The following KIAA0825 variants were observed in gnomAD, a reference collection of about 807,000 sequenced individuals.
The protein encoded by KIAA0825 is KIAA0825.
In KIAA0825, 119 loss-of-function variants were observed where a neutral mutation model predicts 147.6. That is an observed-to-expected ratio of 0.81 (90% CI 0.69 to 0.94). KIAA0825 has a LOEUF of 0.94. Ranked by LOEUF, KIAA0825 falls within the 40% of genes least tolerant of loss-of-function variation. The pLI, the probability that KIAA0825 is intolerant of heterozygous loss-of-function variation, is 0.00. For missense variants in KIAA0825, 1,381 were observed against 1,472.7 expected (o/e 0.94, Z 1.02); for synonymous variants, 470 against 518.1 (o/e 0.91, Z 1.26).
At chr5:94,356,799 A>T (rs1368940569) in intron 20 of KIAA0825, among the ~76,000 whole-genome samples, 3 of 132,632 alleles carry the variant, frequency 2.3e-5, no homozygotes, top group African/African-American at 8.8e-5. Context: ...ATCTTGGCTC[A>T]CTGCAACCTC....
chr5:94,235,906 C>T (rs554183360), intron 20 of KIAA0825, among the ~76,000 whole-genome samples: 4 of 152,230 alleles, frequency 2.6e-5, no homozygotes, highest in African/African-American at 9.6e-5. Flanking sequence ...TATTTTAAAT[C>T]CACTGTTGAG....
At chr5:94,440,655 C>T (rs1328146475) in intron 13 of KIAA0825, among the ~76,000 whole-genome samples, 1 of 152,150 alleles carries the variant, frequency 6.6e-6, no homozygotes, top group South Asian at 2.1e-4. Flanking sequence ...ATTATCAGAA[C>T]TGCTGCTATT....
intron 14 of KIAA0825, among the ~76,000 whole-genome samples, chr5:94,421,121 G>A (rs1194019378): frequency 4.6e-5 from 7 of 152,086 alleles, no homozygotes; most frequent in Non-Finnish European, 7.4e-5. Flanking sequence ...TCTATAAAGG[G>A]CCAGACACTT....
chr5:94,326,659 T>A (rs1386457934), intron 20 of KIAA0825, among the ~76,000 whole-genome samples: 2 of 152,210 alleles, frequency 1.3e-5, no homozygotes, highest in African/African-American at 4.8e-5. Context: ...TCTGTAACTC[T>A]CAGACACAAT....
chr5:94,495,840 T>C (rs771202363), intron 5 of KIAA0825, among the ~76,000 whole-genome samples: 7 of 152,234 alleles, frequency 4.6e-5, no homozygotes, highest in African/African-American at 1.2e-4. Context: ...AATTCTTTAA[T>C]TGAAAAACAC....
intron 5 of KIAA0825, among the ~76,000 whole-genome samples, chr5:94,504,746 C>CTTTTTTTTTTTTTTTTTTTTTTTTT: frequency 8.1e-6 from 1 of 122,982 alleles, no homozygotes; most frequent in Non-Finnish European, 1.7e-5. Flanking sequence ...TTTTTCTTTT[C>CTTTTTTTTTTTTTTTTTTTTTTTTT]TTTTTTTTTT....
chr5:94,312,087 G>T (rs141451469), intron 20 of KIAA0825, among the ~76,000 whole-genome samples: 25 of 151,746 alleles, frequency 1.6e-4, no homozygotes, highest in African/African-American at 6.0e-4. Flanking sequence ...GGCATAAAAG[G>T]TATAAGGCTG....
chr5:94,489,586 A>G (rs1180859388), intron 5 of KIAA0825, among the ~76,000 whole-genome samples: 2 of 151,556 alleles, frequency 1.3e-5, no homozygotes, highest in African/African-American at 2.4e-5. Context: ...AAAAAAAAAA[A>G]ACAAACTCCA....
At chr5:94,403,217 T>A (rs2077831559) in intron 16 of KIAA0825, among the ~76,000 whole-genome samples, 1 of 152,158 alleles carries the variant, frequency 6.6e-6, no homozygotes, top group African/African-American at 2.4e-5. Flanking sequence ...TTAAATGGAA[T>A]ATCAGAGCAA....
intron 13 of KIAA0825, among the ~76,000 whole-genome samples, chr5:94,448,653 A>C (rs2150888197): frequency 6.6e-6 from 1 of 152,232 alleles, no homozygotes; most frequent in African/African-American, 2.4e-5. Context: ...TAGGCCTAAT[A>C]TATTTTTTGT....
chr5:94,369,727 C>G (rs62364584), intron 20 of KIAA0825, among the ~76,000 whole-genome samples: 2,357 of 152,118 alleles, frequency 0.015, 24 homozygotes, highest in Middle Eastern at 0.027. Flanking sequence ...TACTGAGTGC[C>G]AAGAGAAACC....
At chr5:94,424,742 A>G (rs1754625957) in intron 14 of KIAA0825, among the ~76,000 whole-genome samples, 1 of 152,074 alleles carries the variant, frequency 6.6e-6, no homozygotes, top group African/African-American at 2.4e-5. Context: ...TTGAAAATAT[A>G]AACATAATAA....
At chr5:94,196,015 C>T (rs936362174) in intron 20 of KIAA0825, among the ~76,000 whole-genome samples, 2 of 152,142 alleles carry the variant, frequency 1.3e-5, no homozygotes, top group African/African-American at 4.8e-5. Context: ...TGCTTCCAGG[C>T]TGTTGGAATC....
At chr5:94,194,650 C>T (rs1287033246) in intron 20 of KIAA0825, among the ~76,000 whole-genome samples, 8 of 152,198 alleles carry the variant, frequency 5.3e-5, no homozygotes, top group Admixed American at 3.3e-4. Flanking sequence ...CCTCTTCCTG[C>T]TTTGCCATTA....
At chr5:94,262,416 T>C (rs1776541984) in intron 20 of KIAA0825, among the ~76,000 whole-genome samples, 1 of 152,170 alleles carries the variant, frequency 6.6e-6, no homozygotes, top group East Asian at 1.9e-4. Context: ...ATAATAGTTA[T>C]GTTTAATCAG....
chr5:94,442,835 A>G (rs1374413544), intron 13 of KIAA0825, among the ~76,000 whole-genome samples: 1 of 152,138 alleles, frequency 6.6e-6, no homozygotes, highest in Non-Finnish European at 1.5e-5. Context: ...TCTTTGAGAG[A>G]TAGTCTGAAG....
intron 20 of KIAA0825, among the ~76,000 whole-genome samples, chr5:94,252,891 T>A (rs933403038): frequency 1.3e-5 from 2 of 152,082 alleles, no homozygotes; most frequent in African/African-American, 4.8e-5. Context: ...ATAATTAACC[T>A]TTACTACAGC....
At chr5:94,419,810 T>G (rs2150727259) in intron 14 of KIAA0825, among the ~76,000 whole-genome samples, 1 of 152,318 alleles carries the variant, frequency 6.6e-6, no homozygotes, top group East Asian at 1.9e-4. Flanking sequence ...GCATCTGAGT[T>G]TGCCTGGGCA....
intron 20 of KIAA0825, among the ~76,000 whole-genome samples, chr5:94,188,968 C>G (rs1001914199): frequency 6.6e-6 from 1 of 152,158 alleles, no homozygotes; most frequent in Non-Finnish European, 1.5e-5. Flanking sequence ...AGCCATTCTA[C>G]AGTAGGTATG....
Sources: gnomAD v4.1 joint callset for allele counts (sites outside exome capture counted in the v4.1 genomes callset) on GRCh38, gnomAD v4.1.1 for gene constraint, MANE v1.5 for transcripts, NCBI Gene and HGNC (gene_info 2026-07-23, HGNC 2026-07-21) for gene names.